LSAMP: variants seen among roughly 807,000 people sequenced by gnomAD.
The protein encoded by LSAMP is limbic system associated membrane protein.
A neutral mutation model predicts 38.6 loss-of-function variants in LSAMP; 7 were observed. That is an observed-to-expected ratio of 0.18 (90% CI 0.10 to 0.34). The LOEUF (loss-of-function observed/expected upper bound fraction) is 0.34, where lower values mean the gene tolerates loss of function less well. LSAMP is among the 10% of genes least tolerant of loss of function. The pLI is 1.00. For missense variants in LSAMP, 313 were observed against 420.0 expected, an observed-to-expected ratio of 0.75 and a Z score of 2.23; for synonymous variants, 154 against 166.8, an observed-to-expected ratio of 0.92 and a Z score of 0.59.
chr3:115,851,069 G>A (rs531249532), intron 4 of LSAMP, among the ~76,000 whole-genome samples: 31 of 152,192 alleles, frequency 2.0e-4, no homozygotes, highest in Non-Finnish European at 4.3e-4. Context: ...CACCTTCTGG[G>A]TTCAAGTGAT....
Position 116,434,277 on chromosome 3 carries a change from C to T in LSAMP, c.155+10600G>A, listed in dbSNP as rs1433903791. Among the ~76,000 whole-genome samples the T allele has an allele frequency of 3.3e-5, 5 of 152,030 alleles. No homozygotes were observed. In the East Asian group the frequency reaches 9.6e-4, roughly 29 times the overall value. ...ATCTTTCTCTGTTCAATTCAGTAGGCAAATATTTATTTGAGCATCCACGGG... is the reference window on the plus strand; with the variant it reads ...ATCTTTCTCTGTTCAATTCAGTAGGTAAATATTTATTTGAGCATCCACGGG... On this transcript the variant is annotated intron_variant, in intron 1 of 6. Transcript: ENST00000490035.
chr3:115,921,073 T>G (rs1039852604), intron 3 of LSAMP, among the ~76,000 whole-genome samples: 1 of 152,138 alleles, frequency 6.6e-6, no homozygotes, highest in East Asian at 1.9e-4. Context: ...CCTTTCACTT[T>G]CAGCCTGTAT....
At chr3:115,967,770 C>T (rs940816369) in intron 3 of LSAMP, among the ~76,000 whole-genome samples, 1 of 151,696 alleles carries the variant, frequency 6.6e-6, no homozygotes, top group Non-Finnish European at 1.5e-5. Flanking sequence ...TTTTTAAAAC[C>T]ATTAGATCTC....
At chr3:116,286,907 AG>A (rs1327137662) in intron 1 of LSAMP, among the ~76,000 whole-genome samples, 1 of 150,340 alleles carries the variant, frequency 6.7e-6, no homozygotes, top group Non-Finnish European at 1.5e-5. Context: ...AAAAAAAAAA[AG>A]GTAACTAGGG....
At chr3:116,156,933 T>C (rs1048316711) in intron 1 of LSAMP, among the ~76,000 whole-genome samples, 7 of 152,118 alleles carry the variant, frequency 4.6e-5, no homozygotes, top group African/African-American at 1.7e-4. Context: ...TGTGGATAGA[T>C]GCTTCCAAGA....
chr3:116,122,986 T>A (rs4146784), intron 1 of LSAMP, among the ~76,000 whole-genome samples: 21,387 of 152,198 alleles, frequency 0.14, 1,848 homozygotes, highest in South Asian at 0.21. Flanking sequence ...ACAAAAGAGG[T>A]ACTATAAACT....
chr3:116,001,381 G>A (rs945704105), intron 3 of LSAMP, among the ~76,000 whole-genome samples: 3 of 152,102 alleles, frequency 2.0e-5, no homozygotes, highest in African/African-American at 2.4e-5. Flanking sequence ...CATATATTCC[G>A]TATCTTTTAT....
At chr3:116,215,625 A>G (rs539001719) in intron 1 of LSAMP, among the ~76,000 whole-genome samples, 5 of 152,268 alleles carry the variant, frequency 3.3e-5, no homozygotes, top group African/African-American at 1.2e-4. Flanking sequence ...TTTCTGACAT[A>G]TTTGTTGCAG....
chr3:116,085,765 T>A (rs1362998270), intron 2 of LSAMP, among the ~76,000 whole-genome samples: 1 of 152,224 alleles, frequency 6.6e-6, no homozygotes, highest in Non-Finnish European at 1.5e-5. Flanking sequence ...TGCAGATCTT[T>A]GTCACTGGAT....
chr3:115,851,541 G>A (rs1935330852), intron 4 of LSAMP, among the ~76,000 whole-genome samples: 1 of 152,138 alleles, frequency 6.6e-6, no homozygotes, highest in South Asian at 2.1e-4. Flanking sequence ...CTGGCACATA[G>A]GAAGACATGA....
chr3:116,374,948 T>A (rs1269654397), intron 1 of LSAMP, among the ~76,000 whole-genome samples: 1 of 151,978 alleles, frequency 6.6e-6, no homozygotes, highest in Non-Finnish European at 1.5e-5. Flanking sequence ...AGACTTAAGA[T>A]GTCTTTCTTC....
intron 1 of LSAMP, among the ~76,000 whole-genome samples, chr3:116,135,766 CTG>C (rs1415162345): frequency 6.6e-6 from 1 of 152,172 alleles, no homozygotes; most frequent in Non-Finnish European, 1.5e-5. Flanking sequence ...AAGCAATAAA[CTG>C]TGCTTGTCCG....
At chr3:116,406,614 G>A (rs1275517533) in intron 1 of LSAMP, among the ~76,000 whole-genome samples, 1 of 151,900 alleles carries the variant, frequency 6.6e-6, no homozygotes, top group Admixed American at 6.6e-5. Flanking sequence ...CCTTTGATTA[G>A]GAATTGAGTA....
chr3:115,946,410 T>A (rs1375624932), intron 3 of LSAMP, among the ~76,000 whole-genome samples: 2 of 152,144 alleles, frequency 1.3e-5, no homozygotes, highest in African/African-American at 4.8e-5. Flanking sequence ...AAATTTTCCC[T>A]ATAGGCAGAT....
At chr3:116,267,967 C>T (rs1422656819) in intron 1 of LSAMP, among the ~76,000 whole-genome samples, 1 of 152,030 alleles carries the variant, frequency 6.6e-6, no homozygotes, top group African/African-American at 2.4e-5. Flanking sequence ...TTCCTTGCAC[C>T]AGGAGGATGA....
At chr3:115,833,085 G>A (rs1218895437) in intron 6 of LSAMP, among the ~76,000 whole-genome samples, 1 of 152,136 alleles carries the variant, frequency 6.6e-6, no homozygotes, top group Non-Finnish European at 1.5e-5. Context: ...GATGGGGCAC[G>A]ACCTCTTTGA....
chr3:116,222,006 G>A (rs573358312), intron 1 of LSAMP, among the ~76,000 whole-genome samples: 1 of 152,130 alleles, frequency 6.6e-6, no homozygotes, highest in East Asian at 1.9e-4. Context: ...GTTCTGAGAA[G>A]CCATTCCCAC....
At chr3:116,322,516 C>A (rs2047719052) in intron 1 of LSAMP, among the ~76,000 whole-genome samples, 1 of 152,072 alleles carries the variant, frequency 6.6e-6, no homozygotes. Context: ...ATGCAAACAC[C>A]ACCCATATCT....
intron 1 of LSAMP, among the ~76,000 whole-genome samples, chr3:116,245,431 T>G (rs2046592799): frequency 6.6e-6 from 1 of 152,228 alleles, no homozygotes; most frequent in African/African-American, 2.4e-5. Context: ...TCTATTTTCT[T>G]ATTGCCCAAG....
Sources: allele counts gnomAD v4.1 joint callset (sites outside exome capture counted in the v4.1 genomes callset), GRCh38; gene constraint gnomAD v4.1.1; transcripts MANE v1.5; gene names NCBI Gene and HGNC (gene_info 2026-07-23, HGNC 2026-07-21).